Variants in PRKCA observed in about 807,000 individuals in gnomAD.
PRKCA encodes protein kinase C alpha type.
Under a neutral mutation model 87.0 loss-of-function variants are expected in PRKCA, and 27 were observed. The observed-to-expected ratio is 0.31, with a 90% confidence interval of 0.23 to 0.43. PRKCA has a LOEUF of 0.43. PRKCA is among the 20% of genes least tolerant of loss of function. The pLI is 1.00. For missense variants in PRKCA, 518 were observed against 852.3 expected (o/e 0.61, Z 4.88); for synonymous variants, 329 against 311.1 (o/e 1.06, Z -0.61).
At chr17:66,346,344 A>G (rs917401257) in intron 2 of PRKCA, among the ~76,000 whole-genome samples, 2 of 151,512 alleles carry the variant, frequency 1.3e-5, no homozygotes, top group Non-Finnish European at 2.9e-5. Flanking sequence ...TGATCTGCCC[A>G]CCTTGGCCTC....
intron 8 of PRKCA, among the ~76,000 whole-genome samples, chr17:66,702,696 T>C (rs1028376837): frequency 6.6e-6 from 1 of 152,192 alleles, no homozygotes; most frequent in Non-Finnish European, 1.5e-5. Context: ...CAATGACTAA[T>C]ACCATTTTGT....
intron 8 of PRKCA, among the ~76,000 whole-genome samples, chr17:66,717,278 T>C (rs542564510): frequency 3.3e-5 from 5 of 152,292 alleles, no homozygotes; most frequent in African/African-American, 1.2e-4. Context: ...TTTACTCACT[T>C]TTGCAGCTTT....
intron 5 of PRKCA, among the ~76,000 whole-genome samples, chr17:66,678,562 C>T (rs1226996446): frequency 6.6e-6 from 1 of 152,064 alleles, no homozygotes; most frequent in Non-Finnish European, 1.5e-5. Flanking sequence ...GAGAAGCCTA[C>T]TTAAGCCAAC....
chr17:66,308,875 C>T (rs1299168529), intron 2 of PRKCA, among the ~76,000 whole-genome samples: 1 of 143,704 alleles, frequency 7.0e-6, no homozygotes, highest in Non-Finnish European at 1.5e-5. Flanking sequence ...TCTTTTAATG[C>T]TCTCTAATTT....
intron 2 of PRKCA, among the ~76,000 whole-genome samples, chr17:66,354,242 G>A (rs924037505): frequency 6.6e-6 from 1 of 152,136 alleles, no homozygotes; most frequent in South Asian, 2.1e-4. Flanking sequence ...AGCACACCAG[G>A]ACTCAAACTT....
At chr17:66,713,037 C>G (rs1438426197) in intron 8 of PRKCA, among the ~76,000 whole-genome samples, 1 of 144,430 alleles carries the variant, frequency 6.9e-6, no homozygotes, top group African/African-American at 2.6e-5. Context: ...TTAAAGTGAA[C>G]CCTTTGTTGT....
At chr17:66,498,723 A>G (rs558401906) in intron 3 of PRKCA, among the ~76,000 whole-genome samples, 11 of 152,342 alleles carry the variant, frequency 7.2e-5, no homozygotes, top group African/African-American at 2.6e-4. Context: ...ACGAATGGGT[A>G]GGAGATAGGC....
chr17:66,504,796 C>T (rs1243657049), intron 3 of PRKCA, among the ~76,000 whole-genome samples: 3 of 152,162 alleles, frequency 2.0e-5, no homozygotes, highest in Admixed American at 2.0e-4. Context: ...CAGTGTTTTT[C>T]TGTTGCTCAT....
rs558426117 is a variant in PRKCA at position 66,546,883 on chromosome 17, T to C, written c.288+50600T>C. 2.0e-5 allele frequency among the ~76,000 whole-genome samples: 3 copies of C among 152,324 alleles called. No individual in the cohort carries two copies. The South Asian group carries it at 6.2e-4, about 32-fold the overall frequency. On this transcript the variant is annotated intron_variant, in intron 3 of 16. Coordinates refer to ENST00000413366, the MANE Select transcript of PRKCA (RefSeq NM_002737.3). The stretch of plus-strand genomic sequence containing the variant: ...CAATCAGTCTACTTTCCAACAATAT[T>C]ATACCACATCACATATGGTGTAAGA...
intron 2 of PRKCA, among the ~76,000 whole-genome samples, chr17:66,438,619 A>T (rs1201248566): frequency 6.6e-6 from 1 of 152,192 alleles, no homozygotes; most frequent in East Asian, 1.9e-4. Context: ...TGCTGCAAAG[A>T]TACTACCTGA....
intron 2 of PRKCA, among the ~76,000 whole-genome samples, chr17:66,393,198 C>A (rs1910461491): frequency 6.6e-6 from 1 of 152,032 alleles, no homozygotes; most frequent in Non-Finnish European, 1.5e-5. Context: ...GTTTTTAAAC[C>A]CCCTTTGGAG....
chr17:66,556,096 G>T (rs1271830955), intron 3 of PRKCA, among the ~76,000 whole-genome samples: 2 of 152,030 alleles, frequency 1.3e-5, no homozygotes, highest in African/African-American at 2.4e-5. Context: ...CCTGGGACTG[G>T]AGCTCTTTTT....
intron 2 of PRKCA, among the ~76,000 whole-genome samples, chr17:66,319,660 G>T (rs955139651): frequency 6.6e-6 from 1 of 152,074 alleles, no homozygotes; most frequent in Non-Finnish European, 1.5e-5. Flanking sequence ...TCTCTTACAT[G>T]ACATTGGGTT....
At chr17:66,474,820 C>G (rs904639259) in intron 2 of PRKCA, among the ~76,000 whole-genome samples, 4 of 152,154 alleles carry the variant, frequency 2.6e-5, no homozygotes, top group Non-Finnish European at 5.9e-5. Flanking sequence ...CGCGTAACCT[C>G]GGTCGTGTAG....
rs554099400 is a variant in PRKCA, at chr17:66,466,565, A to G, written c.206-29636A>G. 3.3e-5 allele frequency among the ~76,000 whole-genome samples: 5 copies of G among 152,346 alleles called. No individual in the cohort carries two copies. The East Asian group carries it at 9.6e-4, about 29-fold the overall frequency. On this transcript the variant is annotated intron_variant, in intron 2 of 16. Transcript: ENST00000413366. ...AATGGAAGAAACTTCTTGGCAAAAT[A>G]CCATTTAACATAATTTGGCCACACT... is the stretch of plus-strand genomic sequence containing the variant.
chr17:66,447,063 G>A (rs986694911), intron 2 of PRKCA, among the ~76,000 whole-genome samples: 3 of 152,154 alleles, frequency 2.0e-5, no homozygotes, highest in African/African-American at 4.8e-5. Context: ...TTCCGGAAAC[G>A]CTTCGATATC....
intron 2 of PRKCA, among the ~76,000 whole-genome samples, chr17:66,418,918 ATT>A (rs34806174): frequency 4.2e-5 from 6 of 141,562 alleles, no homozygotes; most frequent in Admixed American, 7.0e-5. Flanking sequence ...CGCCCGGCTA[ATT>A]TTTTTTTTTT....
rs1255979052 is a variant in PRKCA, at chr17:66,751,050, TTTAA to T, written c.1524+8294_1524+8297del. Among the ~76,000 whole-genome samples, 5 of 152,330 alleles carry T rather than the reference TTTAA, an allele frequency of 3.3e-5. No homozygotes were observed. In the East Asian group the frequency reaches 5.8e-4, roughly 18 times the overall value. ...TTACTCCTGGTATTTGGTGGCATGC[TTTAA>T]TTAGCCCTTTATTTAGGGATTTGCT... On this transcript the variant is annotated intron_variant, in intron 13 of 16. Coordinates refer to ENST00000413366, the MANE Select transcript of PRKCA (RefSeq NM_002737.3).
chr17:66,748,490 C>A (rs776433459), intron 13 of PRKCA, among the ~76,000 whole-genome samples: 3 of 152,148 alleles, frequency 2.0e-5, no homozygotes, highest in Non-Finnish European at 4.4e-5. Flanking sequence ...AAGCACTAGA[C>A]AGCCGTCTCG....
Sources: allele counts gnomAD v4.1 joint callset (sites outside exome capture counted in the v4.1 genomes callset), GRCh38; gene constraint gnomAD v4.1.1; transcripts MANE v1.5; gene names NCBI Gene and HGNC (gene_info 2026-07-23, HGNC 2026-07-21).